The following REELD1 variants were observed in gnomAD, a reference collection of about 807,000 sequenced individuals.
REELD1 encodes reeler domain containing 1.
In REELD1, 12 loss-of-function variants were observed where a neutral mutation model predicts 6.3. The ratio of observed to expected loss-of-function variants is 1.89; its 90% confidence interval spans 1.21 to 3.07. The LOEUF is 3.07. Among genes scored for constraint, REELD1 ranks in the 30% most tolerant of loss-of-function variants. REELD1 has a pLI of 0.00. For synonymous variants in REELD1, 57 were observed against 33.6 expected, an observed-to-expected ratio of 1.70 and a Z score of -2.42; for missense variants, 163 against 86.8, an observed-to-expected ratio of 1.88 and a Z score of -3.49.
In REELD1 at chr4:146,214,577, A is replaced by T. The variant is rs1051450170; in HGVS notation, c.-252A>T. 1 of 152,066 alleles carries T rather than the reference A, an allele frequency of 6.6e-6. No individual in the cohort carries two copies. The highest frequency in any genetic ancestry group is 2.4e-5 in the African/African-American group (1 of 41,374). The allele number at this position is 152,066 out of a possible 1,614,324, so 9.4% of individuals were successfully genotyped here. ...CTGAGGATTAGTGGTAGCAGCTGTT[A>T]TTCTCCCCATTAGAGGAAAAACTGA... On this transcript the variant is annotated 5_prime_UTR_variant, in exon 1 of 8. Transcript: ENST00000623665.
rs548566696 is a variant in REELD1, at chr4:146,230,225, C to T, written c.1293C>T (p.Ala431=). Residue 431 remains alanine (A), a synonymous_variant, in exon 8 of 8, where the codon GCC becomes GCT. Coordinates refer to ENST00000623665, the MANE Select transcript of REELD1 (RefSeq NM_001354631.1). ...NPRPDIGLEG[A]QAPLGIQLRT... ...GGCCTGACATTGGGCTAGAGGGAGC[C>T]CAGGCCCCTCTGGGTATCCAGCTCA... The T allele has an allele frequency of 7.5e-6, 3 of 398,652 alleles. No homozygotes were observed. The highest frequency in any genetic ancestry group is 3.6e-5 in the East Asian group (1 of 28,090). The allele number at this position is 398,652 out of a possible 1,614,324, so 24.7% of individuals were successfully genotyped here. A position where few individuals can be genotyped will look rare whatever the true frequency, so the allele number is the denominator to read the frequency against.
intron 6 of REELD1, among the ~76,000 whole-genome samples, chr4:146,228,763 CT>C (rs1731073510): frequency 5.9e-5 from 9 of 151,910 alleles, no homozygotes; most frequent in Admixed American, 5.9e-4. Context: ...TTAAAAGTGA[CT>C]TTTTATATTT....
intron 3 of REELD1, among the ~76,000 whole-genome samples, chr4:146,221,720 G>A (rs1201811389): frequency 7.9e-5 from 12 of 152,180 alleles, no homozygotes; most frequent in Admixed American, 3.3e-4. Context: ...TTAGCTGGGC[G>A]TGGTGGTGCG....
At chr4:146,223,841 T>C (rs1023751336) in intron 4 of REELD1, among the ~76,000 whole-genome samples, 5 of 152,254 alleles carry the variant, frequency 3.3e-5, no homozygotes, top group African/African-American at 4.8e-5. Context: ...CCTTGTTATG[T>C]CTGCCTCCTG....
intron 2 of REELD1, among the ~76,000 whole-genome samples, chr4:146,216,675 T>G (rs1730831560): frequency 6.6e-6 from 1 of 152,210 alleles, no homozygotes; most frequent in Non-Finnish European, 1.5e-5. Flanking sequence ...GCCTCTCTTT[T>G]GAACAACAAC....
At position 146,228,248 on chromosome 4, in the gene REELD1, CAT is replaced by C. The variant is rs748287623; in HGVS notation, c.635_636del (p.His212ArgfsTer44). 2.7e-5 allele frequency: 19 copies of C among 702,452 alleles called. No individual in the cohort carries two copies. Among genetic ancestry groups the C allele is most frequent in the African/African-American group, 2.4e-4 (14 of 57,264 alleles). 43.5% of individuals were successfully genotyped at this position (702,452 alleles called of 1,614,324 possible). ...TPITLPQQHT[H>X]VFAVALPGAA... ...CATCACTCTTCCACAGCAGCACACACATGTCTTTGCTGTTGCCCTTCCTGGAG... is the reference window on the plus strand; with the variant it reads ...CATCACTCTTCCACAGCAGCACACACGTCTTTGCTGTTGCCCTTCCTGGAG... On this transcript the variant is annotated frameshift_variant, in exon 6 of 8. Coordinates refer to ENST00000623665, the MANE Select transcript of REELD1 (RefSeq NM_001354631.1). LOFTEE classifies it high-confidence loss of function.
intron 5 of REELD1, among the ~76,000 whole-genome samples, chr4:146,226,655 A>C (rs1731028554): frequency 6.6e-6 from 1 of 151,986 alleles, no homozygotes; most frequent in South Asian, 2.1e-4. Context: ...CCTGCTAAAA[A>C]CCCCACCTCT....
chr4:146,215,432 T>C (rs1055374543), intron 2 of REELD1, among the ~76,000 whole-genome samples: 1 of 152,244 alleles, frequency 6.6e-6, no homozygotes, highest in Non-Finnish European at 1.5e-5. Context: ...TCTGAAGGAC[T>C]CTTATGTCTA....
chr4:146,226,698 A>G (rs1431807109), intron 5 of REELD1, among the ~76,000 whole-genome samples: 2 of 152,190 alleles, frequency 1.3e-5, no homozygotes, highest in Non-Finnish European at 2.9e-5. Flanking sequence ...TGATTTCAAC[A>G]TATGAATTTT....
intron 2 of REELD1, among the ~76,000 whole-genome samples, chr4:146,216,656 A>G (rs1398471829): frequency 6.6e-6 from 1 of 152,248 alleles, no homozygotes. Flanking sequence ...CTTTGACTCA[A>G]TAATTAAAGC....
Position 146,228,295 on chromosome 4 carries a change from A to G in REELD1, c.681A>G (p.Leu227=), listed in dbSNP as rs759402689. 4 of 702,540 alleles carry G rather than the reference A, an allele frequency of 5.7e-6. No homozygotes were observed. In the South Asian group the frequency reaches 5.9e-5, roughly 10 times the overall value. 43.5% of individuals were successfully genotyped at this position (702,540 alleles called of 1,614,324 possible). A position where few individuals can be genotyped will look rare whatever the true frequency, so the allele number is the denominator to read the frequency against. Residue 227 remains leucine, a synonymous_variant, in exon 6 of 8, where the codon CTA becomes CTG. Transcript: ENST00000623665. The stretch of plus-strand genomic sequence containing the variant: ...CTGGAGCTGCAGAGGAGGACAACCT[A>G]GATCCTGTTCCTGCCAGTATTTGGG... ...ALPGAAEEDN[L]DPVPASIWVT...
intron 3 of REELD1, among the ~76,000 whole-genome samples, chr4:146,217,608 C>A (rs1217964202): frequency 6.6e-6 from 1 of 152,150 alleles, no homozygotes; most frequent in East Asian, 1.9e-4. Flanking sequence ...GTCATAAAAA[C>A]CACATGATAA....
chr4:146,225,334 A>G (rs1731002036), intron 5 of REELD1, among the ~76,000 whole-genome samples: 2 of 152,310 alleles, frequency 1.3e-5, no homozygotes, highest in Non-Finnish European at 2.9e-5. Context: ...GCATCCAGAC[A>G]CATGCACACA....
rs6848943 is a variant in REELD1 at position 146,217,015 on chromosome 4, A to G, written c.63A>G (p.Ser21=). Residue 21 remains serine, a synonymous_variant, in exon 3 of 8, where the codon TCA becomes TCG. Transcript: ENST00000623665. ...ACTTLCLASC[S]SAFSHGASTV... ...CCACCCTCTGCCTGGCTTCCTGCTCATCTGCCTTTTCCCATGGTGCCAGCA... is the reference window on the plus strand; with the variant it reads ...CCACCCTCTGCCTGGCTTCCTGCTCGTCTGCCTTTTCCCATGGTGCCAGCA... The G allele has an allele frequency of 0.27, 106,046 of 398,632 alleles. 14,580 individuals carry two copies. The highest frequency in any genetic ancestry group is 0.35 in the Middle Eastern group (559 of 1,590). The allele number at this position is 398,632 out of a possible 1,614,324, so 24.7% of individuals were successfully genotyped here.
intron 3 of REELD1, among the ~76,000 whole-genome samples, chr4:146,218,021 A>G (rs1730856412): frequency 6.6e-6 from 1 of 152,266 alleles, no homozygotes; most frequent in Non-Finnish European, 1.5e-5. Context: ...ACGTGAGCGC[A>G]GGTGGTTTAT....
chr4:146,218,254 G>C (rs1730860076), intron 3 of REELD1, among the ~76,000 whole-genome samples: 1 of 152,232 alleles, frequency 6.6e-6, no homozygotes, highest in South Asian at 2.1e-4. Flanking sequence ...CCCACCAGGG[G>C]TGTTTCTACC....
intron 5 of REELD1, among the ~76,000 whole-genome samples, chr4:146,226,590 C>T (rs1731027104): frequency 6.6e-6 from 1 of 152,132 alleles, no homozygotes; most frequent in African/African-American, 2.4e-5. Context: ...CCTCAGTCCC[C>T]TTTTATAAGG....
At chr4:146,223,116 C>A (rs1011855050) in intron 4 of REELD1, among the ~76,000 whole-genome samples, 2 of 152,212 alleles carry the variant, frequency 1.3e-5, no homozygotes, top group African/African-American at 4.8e-5. Context: ...ATCATTAGTA[C>A]TCAAAATGAG....
At chr4:146,217,271 C>A (rs77712943) in intron 3 of REELD1, 111 bp downstream of exon 3, 14 of 397,716 alleles carry the variant, frequency 3.5e-5, no homozygotes, top group African/African-American at 1.6e-4. Flanking sequence ...TTGGCTTAAT[C>A]CCTTTTTTTT....
Sources: gnomAD v4.1 joint callset for allele counts (sites outside exome capture counted in the v4.1 genomes callset) on GRCh38, gnomAD v4.1.1 for gene constraint, MANE v1.5 for transcripts, NCBI Gene and HGNC (gene_info 2026-07-23, HGNC 2026-07-21) for gene names.